The following TENT5D variants were observed in gnomAD, a reference collection of about 807,000 sequenced individuals.
TENT5D encodes the protein cancer/testis antigen 112.
For missense variants in TENT5D, 191 were observed against 287.0 expected (o/e 0.67, Z 2.42); for synonymous variants, 103 against 100.6 (o/e 1.02, Z -0.15).
At chrX:80,379,752 G>T (rs1049402331) in intron 3 of TENT5D, among the ~76,000 whole-genome samples, 2 of 111,022 alleles carry the variant, frequency 1.8e-5, no homozygotes, top group Admixed American at 1.9e-4. Flanking sequence ...GCATAGAGGT[G>T]TTTACAGTAT....
chrX:80,343,790 T>G (rs1360088031), intron 3 of TENT5D, among the ~76,000 whole-genome samples: 1 of 111,994 alleles, frequency 8.9e-6, no homozygotes, highest in Non-Finnish European at 1.9e-5. Flanking sequence ...TGGTTTATTT[T>G]TTTAATTAGT....
chrX:80,407,184 T>C (rs1320002754), intron 3 of TENT5D, among the ~76,000 whole-genome samples: 1 of 104,983 alleles, frequency 9.5e-6, no homozygotes, highest in African/African-American at 3.5e-5. Context: ...AGGAAGAAAC[T>C]GCATCAACTA....
intron 3 of TENT5D, among the ~76,000 whole-genome samples, chrX:80,371,841 G>A (rs1175934073): frequency 4.5e-5 from 5 of 111,648 alleles, no homozygotes; most frequent in East Asian, 5.6e-4. Flanking sequence ...AGGCTCTTAC[G>A]CTTTCTTATC....
chrX:80,335,992 G>A (rs1412617109), intron 2 of TENT5D, among the ~76,000 whole-genome samples: 1 of 109,983 alleles, frequency 9.1e-6, no homozygotes, highest in Non-Finnish European at 1.9e-5. Context: ...AGTAGTTGGC[G>A]TTTTATATGT....
intron 3 of TENT5D, among the ~76,000 whole-genome samples, chrX:80,353,670 G>A (rs1377680018): frequency 8.9e-6 from 1 of 112,008 alleles, no homozygotes; most frequent in Non-Finnish European, 1.9e-5. Flanking sequence ...TTTTAATCCA[G>A]TCTACCACTG....
intron 3 of TENT5D, among the ~76,000 whole-genome samples, chrX:80,388,464 G>T (rs1931064500): frequency 9.0e-6 from 1 of 111,314 alleles, no homozygotes; most frequent in African/African-American, 3.3e-5. Context: ...GATTAATCCT[G>T]CTAGGACAGG....
At chrX:80,396,735 C>T (rs1432317183) in intron 3 of TENT5D, among the ~76,000 whole-genome samples, 1 of 103,161 alleles carries the variant, frequency 9.7e-6, no homozygotes, top group African/African-American at 3.6e-5. Flanking sequence ...TCCCCTCTTT[C>T]TATTCCACAA....
chrX:80,436,508 A>G (rs1480445512), intron 1 of TENT5D, among the ~76,000 whole-genome samples: 1 of 110,497 alleles, frequency 9.1e-6, no homozygotes, highest in Non-Finnish European at 1.9e-5. Flanking sequence ...CGTCATCTAC[A>G]TTAGGTACTT....
At chrX:80,349,795 T>C (rs1368215236) in intron 3 of TENT5D, among the ~76,000 whole-genome samples, 1 of 111,380 alleles carries the variant, frequency 9.0e-6, no homozygotes, top group Non-Finnish European at 1.9e-5. Context: ...TTTAGTACTT[T>C]AAATTTCCCT....
chrX:80,352,848 T>C (rs1427102696), intron 3 of TENT5D, among the ~76,000 whole-genome samples: 1 of 110,302 alleles, frequency 9.1e-6, no homozygotes, highest in Non-Finnish European at 1.9e-5. Context: ...TCCTGGTCTG[T>C]GGACTGGAAA....
At chrX:80,369,428 T>G (rs1435833387) in intron 3 of TENT5D, among the ~76,000 whole-genome samples, 1 of 111,836 alleles carries the variant, frequency 8.9e-6, no homozygotes, top group Non-Finnish European at 1.9e-5. Flanking sequence ...AAAGGGAATT[T>G]TGAAAAATAC....
intron 3 of TENT5D, among the ~76,000 whole-genome samples, chrX:80,366,400 T>C (rs769839117): frequency 9.0e-6 from 1 of 111,611 alleles, no homozygotes; most frequent in Non-Finnish European, 1.9e-5. Context: ...AAACTACCTT[T>C]AGAATTTTGC....
At chrX:80,379,479 G>T (rs1368051936) in intron 3 of TENT5D, among the ~76,000 whole-genome samples, 1 of 111,064 alleles carries the variant, frequency 9.0e-6, no homozygotes, top group Non-Finnish European at 1.9e-5. Flanking sequence ...AGTTAGGGAG[G>T]ATTCCCTCTT....
chrX:80,388,823 C>T (rs907306910), intron 3 of TENT5D, among the ~76,000 whole-genome samples: 2 of 111,595 alleles, frequency 1.8e-5, no homozygotes, highest in African/African-American at 6.5e-5. Context: ...CTAGGATTTG[C>T]AGTCCTTGTG....
intron 3 of TENT5D, among the ~76,000 whole-genome samples, chrX:80,389,242 T>A (rs1931082812): frequency 8.9e-6 from 1 of 111,956 alleles, no homozygotes; most frequent in Admixed American, 9.5e-5. Flanking sequence ...TGCTTTTTTG[T>A]GTGTAGATAC....
chrX:80,398,408 G>A (rs903185721), intron 3 of TENT5D, among the ~76,000 whole-genome samples: 1 of 111,585 alleles, frequency 9.0e-6, no homozygotes, highest in African/African-American at 3.3e-5. Context: ...TTTTTGGTTT[G>A]ATATAATCCT....
At chrX:80,445,108 T>C (rs1171962795) in exon 3 of TENT5D, 1 of 122,638 alleles carries the variant, frequency 8.2e-6, no homozygotes, top group African/African-American at 3.2e-5. Context: ...TTCACTGTAT[T>C]ACAATATTGG....
rs192540881 is a variant in TENT5D, at chrX:80,444,869, A to G, written c.*1160A>G. 5.7e-5 allele frequency: 7 copies of G among 122,572 alleles called. No individual in the cohort carries two copies. The East Asian group carries it at 2.0e-3, about 35-fold the overall frequency. 10.1% of individuals were successfully genotyped at this position (122,572 alleles called of 1,213,427 possible). On this transcript the variant is annotated 3_prime_UTR_variant, in exon 3 of 3. Coordinates refer to ENST00000308293, the Ensembl canonical transcript of TENT5D. ...AATCTACCAGTGGGATTAAAAATGT[A>G]TTTTCTTCCCATAATGAAAATAATT...
At chrX:80,420,197 T>C (rs781042258), upstream of TENT5D, among the ~76,000 whole-genome samples, 6 of 111,394 alleles carry the variant, frequency 5.4e-5, no homozygotes, top group South Asian at 2.3e-3. Flanking sequence ...TGAATCTGCA[T>C]GGTTTAACTG....
Sources: allele counts gnomAD v4.1 joint callset (sites outside exome capture counted in the v4.1 genomes callset), GRCh38; gene constraint gnomAD v4.1.1; transcripts MANE v1.5; gene names NCBI Gene and HGNC (gene_info 2026-07-23, HGNC 2026-07-21).